CDK12: variants seen among roughly 807,000 people sequenced by gnomAD.
The protein encoded by CDK12 is cyclin dependent kinase 12.
A neutral mutation model predicts 133.8 loss-of-function variants in CDK12; 17 were observed. That is an observed-to-expected ratio of 0.13 (90% CI 0.09 to 0.19). The LOEUF is 0.19. CDK12 is among the 10% of genes least tolerant of loss of function. CDK12 has a pLI of 1.00. For synonymous variants in CDK12, 694 were observed against 683.6 expected, an observed-to-expected ratio of 1.02 and a Z score of -0.24; for missense variants, 1,508 against 1,818.7, an observed-to-expected ratio of 0.83 and a Z score of 3.11.
intron 1 of CDK12, among the ~76,000 whole-genome samples, chr17:39,466,720 A>G (rs1475974449): frequency 6.7e-6 from 1 of 150,340 alleles, no homozygotes; most frequent in African/African-American, 2.4e-5. Flanking sequence ...AAAAAATTGG[A>G]GACACAATAT....
At chr17:39,469,234 C>T (rs1319846030) in intron 1 of CDK12, among the ~76,000 whole-genome samples, 1 of 152,164 alleles carries the variant, frequency 6.6e-6, no homozygotes, top group Non-Finnish European at 1.5e-5. Context: ...TGATCTGCCC[C>T]ATAGATTCCC....
At chr17:39,503,714 A>G (rs1322505806) in intron 6 of CDK12, among the ~76,000 whole-genome samples, 1 of 152,172 alleles carries the variant, frequency 6.6e-6, no homozygotes, top group Non-Finnish European at 1.5e-5. Flanking sequence ...CCTGTGGTCT[A>G]GCCTGATCCA....
chr17:39,490,784 T>C, intron 3 of CDK12, 51 bp downstream of exon 3: 1 of 1,381,678 alleles, frequency 7.2e-7, no homozygotes, highest in Non-Finnish European at 1.0e-6. Context: ...CCCTTCCTTT[T>C]GAACTAAATC....
chr17:39,509,913 C>T (rs1201686219), intron 7 of CDK12, 152 bp downstream of exon 7: 3 of 643,490 alleles, frequency 4.7e-6, no homozygotes, highest in East Asian at 2.7e-5. Flanking sequence ...GTGATTCTCC[C>T]ACCTTAGTCT....
chr17:39,562,342 G>A, intron 3 of CDK12, among the ~76,000 whole-genome samples: 1 of 152,178 alleles, frequency 6.6e-6, no homozygotes, highest in African/African-American at 2.4e-5. Context: ...GACAAAGGGA[G>A]ACCACTCTTT....
At chr17:39,516,994 G>A (rs573618507) in intron 9 of CDK12, among the ~76,000 whole-genome samples, 6 of 152,152 alleles carry the variant, frequency 3.9e-5, no homozygotes, top group Admixed American at 3.9e-4. Context: ...TGATAAAGGT[G>A]ATATTTTTGT....
chr17:39,536,107 TG>T (rs573055575), downstream of CDK12, among the ~76,000 whole-genome samples: 4 of 152,254 alleles, frequency 2.6e-5, no homozygotes, highest in South Asian at 6.2e-4. Flanking sequence ...GTTGAAAGAC[TG>T]GGGGAGTACG....
chr17:39,501,137 G>T (rs765802482), intron 5 of CDK12, 113 bp from the exon 6 acceptor site: 3 of 661,284 alleles, frequency 4.5e-6, no homozygotes, highest in Non-Finnish European at 7.4e-6. Flanking sequence ...AAATTCAAGG[G>T]TTTTTTCTAG....
At chr17:39,536,337 A>C (rs1366896056), downstream of CDK12, among the ~76,000 whole-genome samples, 1 of 152,232 alleles carries the variant, frequency 6.6e-6, no homozygotes, top group East Asian at 1.9e-4. Flanking sequence ...TTCAGAAGAC[A>C]AATGTCTATC....
Position 39,531,067 on chromosome 17 carries a change from C to T in CDK12, c.4224C>T (p.Val1408=). 1 of 1,609,278 alleles carries T rather than the reference C, an allele frequency of 6.2e-7. No individual in the cohort carries two copies. Among genetic ancestry groups the T allele is most frequent in the Non-Finnish European group, 8.5e-7 (1 of 1,178,220 alleles). The change falls in exon 14 of 14, where the codon GTC becomes GTT. Residue 1408 remains valine (V), a synonymous_variant. Coordinates refer to ENST00000447079, the MANE Select transcript of CDK12 (RefSeq NM_016507.4). ...ACCAGGACCTCCGTTTTGCCAGGGTCCCCTTAGCGTTACACCCGGTGGTCG... is the reference window on the plus strand; with the variant it reads ...ACCAGGACCTCCGTTTTGCCAGGGTTCCCTTAGCGTTACACCCGGTGGTCG... ...PGDQDLRFAR[V]PLALHPVVGQ...
intron 11 of CDK12, among the ~76,000 whole-genome samples, chr17:39,520,907 G>GCGCAATCTCAGCTCGC (rs2054124637): frequency 6.6e-6 from 1 of 152,004 alleles, no homozygotes; most frequent in African/African-American, 2.4e-5. Flanking sequence ...GAGTACAATG[G>GCGCAATCTCAGCTCGC]CGCAATCTCA....
At chr17:39,493,639 A>G (rs138932432) in intron 4 of CDK12, among the ~76,000 whole-genome samples, 1 of 151,988 alleles carries the variant, frequency 6.6e-6, no homozygotes, top group Non-Finnish European at 1.5e-5. Flanking sequence ...TTTTAGTTCT[A>G]GTTTTGTCTC....
At chr17:39,521,590 C>T (rs904997209) in intron 11 of CDK12, among the ~76,000 whole-genome samples, 4 of 150,160 alleles carry the variant, frequency 2.7e-5, no homozygotes, top group African/African-American at 9.8e-5. Flanking sequence ...GACGGAGTCT[C>T]GCTCTGTCGC....
chr17:39,503,435 T>C (rs1411111528), intron 6 of CDK12, among the ~76,000 whole-genome samples: 2 of 152,182 alleles, frequency 1.3e-5, no homozygotes, highest in African/African-American at 4.8e-5. Flanking sequence ...TGGAAGTGGG[T>C]GACTCTACAT....
chr17:39,530,467 TC>T, intron 13 of CDK12, 136 bp from the exon 14 acceptor site: 1 of 1,293,298 alleles, frequency 7.7e-7, no homozygotes, highest in Non-Finnish European at 1.0e-6. Context: ...ATTGCAATTT[TC>T]TGATCCCAAG....
chr17:39,522,905 T>C (rs2054268838), intron 11 of CDK12, among the ~76,000 whole-genome samples: 1 of 151,472 alleles, frequency 6.6e-6, no homozygotes, highest in Non-Finnish European at 1.5e-5. Flanking sequence ...TACAAAAAAT[T>C]AACCAGGTGT....
chr17:39,499,215 T>TTCTTTCTTTC (rs2052520017), intron 5 of CDK12, among the ~76,000 whole-genome samples: 2 of 104,832 alleles, frequency 1.9e-5, no homozygotes, highest in Non-Finnish European at 3.8e-5. Context: ...TTCCTTTTTT[T>TTCTTTCTTTC]TTTTTTTTTG....
intron 2 of CDK12, among the ~76,000 whole-genome samples, chr17:39,556,007 C>A (rs982831438): frequency 6.1e-5 from 9 of 147,494 alleles, no homozygotes; most frequent in African/African-American, 2.3e-4. Flanking sequence ...ATACTCCAGC[C>A]TGGGTAACAG....
At chr17:39,491,618 C>T (rs2051609609) in intron 3 of CDK12, among the ~76,000 whole-genome samples, 2 of 151,942 alleles carry the variant, frequency 1.3e-5, no homozygotes, top group Non-Finnish European at 2.9e-5. Flanking sequence ...GTTCAGAAAG[C>T]AAGCAACTAA....
Sources: gnomAD v4.1 joint callset for allele counts (sites outside exome capture counted in the v4.1 genomes callset) on GRCh38, gnomAD v4.1.1 for gene constraint, MANE v1.5 for transcripts, NCBI Gene and HGNC (gene_info 2026-07-23, HGNC 2026-07-21) for gene names.